The following ABL1 variants were observed in gnomAD, a reference collection of about 807,000 sequenced individuals.
ABL1 encodes the protein ABL proto-oncogene 1, non-receptor tyrosine kinase.
ABL1 carries 11 observed loss-of-function variants against 94.7 expected under a neutral mutation model. That is an observed-to-expected ratio of 0.12 (90% CI 0.07 to 0.19). The LOEUF (loss-of-function observed/expected upper bound fraction) is 0.19. Ranked by LOEUF, ABL1 falls within the 10% of genes least tolerant of loss-of-function variation. ABL1 has a pLI of 1.00. For synonymous variants in ABL1, 656 were observed against 622.4 expected (o/e 1.05, Z -0.80); for missense variants, 1,082 against 1,489.4 (o/e 0.73, Z 4.50).
intron 1 of ABL1, among the ~76,000 whole-genome samples, chr9:130,789,427 A>C (rs927425923): frequency 2.0e-5 from 3 of 152,136 alleles, no homozygotes. Flanking sequence ...CTAGGTTTTT[A>C]CCATCCCTGG....
At chr9:130,809,805 C>A (rs1255130022) in intron 1 of ABL1, among the ~76,000 whole-genome samples, 1 of 152,188 alleles carries the variant, frequency 6.6e-6, no homozygotes, top group Non-Finnish European at 1.5e-5. Flanking sequence ...GACCAAAGAT[C>A]TGAGCACGTA....
At chr9:130,749,248 G>C (rs563345831) in intron 1 of ABL1, among the ~76,000 whole-genome samples, 3 of 152,300 alleles carry the variant, frequency 2.0e-5, no homozygotes, top group African/African-American at 7.2e-5. Context: ...CTGGTGACCA[G>C]TATTTGAGAA....
At position 130,880,581 on chromosome 9, in the gene ABL1, C is replaced by A. The variant is rs752060211; in HGVS notation, c.1595C>A (p.Thr532Lys). Residue 532 changes from threonine to lysine, a missense_variant, in exon 10 of 11, where the codon ACG becomes AAG. Transcript: ENST00000318560. This position sits in a 1 kb window ranked among gnomAD's most constrained non-coding sequence, Gnocchi z 4.4. ...CAGGCCCCAGAGCTGCCCACCAAGA[C>A]GAGGACCTCCAGGAGAGCTGCAGAG... is the stretch of plus-strand genomic sequence containing the variant. Reference protein sequence around the residue: ...LLQAPELPTKTRTSRRAAEHR... With the variant: ...LLQAPELPTKKRTSRRAAEHR... The A allele has an allele frequency of 1.9e-6, 3 of 1,613,930 alleles. No homozygotes were observed. Among genetic ancestry groups the A allele is most frequent in the Non-Finnish European group, 1.7e-6 (2 of 1,179,904 alleles).
intron 3 of ABL1, among the ~76,000 whole-genome samples, chr9:130,858,435 G>A (rs916244072): frequency 1.3e-5 from 2 of 152,064 alleles, no homozygotes; most frequent in Non-Finnish European, 2.9e-5. Flanking sequence ...TTCCCTTGGC[G>A]TCTTGCCTCC....
chr9:130,829,826 T>C (rs1003431710), intron 1 of ABL1, among the ~76,000 whole-genome samples: 1 of 152,230 alleles, frequency 6.6e-6, no homozygotes, highest in Non-Finnish European at 1.5e-5. Context: ...ACTATTGATT[T>C]ATCCCCCAAA....
intron 1 of ABL1, among the ~76,000 whole-genome samples, chr9:130,837,369 G>T (rs917187498): frequency 3.9e-5 from 6 of 152,276 alleles, no homozygotes; most frequent in Non-Finnish European, 8.8e-5. Flanking sequence ...ATGGACTTTT[G>T]TAAGTGCAGA....
At chr9:130,853,884 G>T (rs1425167593) in intron 1 of ABL1, among the ~76,000 whole-genome samples, 180 bp from the exon 2 acceptor site, 1 of 152,180 alleles carries the variant, frequency 6.6e-6, no homozygotes, top group African/African-American at 2.4e-5. Flanking sequence ...ACAAGATTTA[G>T]TAAAGGAAGA....
rs1254406344 is a variant in ABL1 at position 130,877,638 on chromosome 9, CCTT to C, written c.1271-776_1271-774del. 5.5e-5 allele frequency among the ~76,000 whole-genome samples: 8 copies of C among 146,420 alleles called. No homozygotes were observed. In the East Asian group the frequency reaches 1.6e-3, roughly 28 times the overall value. Reference sequence around the variant, plus strand: ...ACTGAGTCTTGTTCTGTCCTGGTCTCCTTTTTTTTTTTTTATTTTTGAGACGGG... The same window carrying C: ...ACTGAGTCTTGTTCTGTCCTGGTCTCTTTTTTTTTTTATTTTTGAGACGGG... On this transcript the variant is annotated intron_variant, in intron 7 of 10. Transcript: ENST00000318560.
chr9:130,736,221 A>G (rs895880716), intron 1 of ABL1, among the ~76,000 whole-genome samples: 1 of 151,730 alleles, frequency 6.6e-6, no homozygotes, highest in South Asian at 2.1e-4. Context: ...GAGTGTTGGG[A>G]TTATAGGCAT....
At chr9:130,722,347 C>T (rs191942415) in intron 1 of ABL1, among the ~76,000 whole-genome samples, 1 of 152,168 alleles carries the variant, frequency 6.6e-6, no homozygotes, top group Admixed American at 6.5e-5. Flanking sequence ...GAGCCAAGAT[C>T]ACACCACTGC....
At position 130,795,025 on chromosome 9, in the gene ABL1, G is replaced by A. The variant is rs181660267; in HGVS notation, c.137-59039G>A. On this transcript the variant is annotated intron_variant, in intron 1 of 10. Coordinates refer to the ABL1 transcript ENST00000372348. The stretch of plus-strand genomic sequence containing the variant: ...TAGATTAATCTCCCTTTTGCTGTCC[G>A]TGAGTCCCTTCCCGTTTCTTCAGCA... 2.1e-3 allele frequency among the ~76,000 whole-genome samples: 324 copies of A among 152,200 alleles called. 2 individuals carry two copies. Among genetic ancestry groups the A allele is most frequent in the African/African-American group, 7.4e-3 (307 of 41,530 alleles).
In ABL1 at chr9:130,854,976, C is replaced by T. The variant is rs199515879; in HGVS notation, c.429C>T (p.Ser143=). ...ATGCCGCTGAGTATCTGCTGAGCAG[C>T]GGGATCAATGGCAGCTTCTTGGTGC... The part of the protein sequence containing the change: ...SRNAAEYLLS[S]GINGSFLVRE... Residue 143 remains serine (S), a synonymous_variant, in exon 3 of 11, where the codon AGC becomes AGT. Transcript: ENST00000318560. The T allele has an allele frequency of 4.9e-5, 79 of 1,614,064 alleles. No homozygotes were observed. Among genetic ancestry groups the T allele is most frequent in the East Asian group, 1.8e-4 (8 of 44,898 alleles).
intron 1 of ABL1, among the ~76,000 whole-genome samples, chr9:130,850,383 G>T (rs529694971): frequency 6.6e-6 from 1 of 152,352 alleles, no homozygotes; most frequent in East Asian, 1.9e-4. Context: ...GGAATGCGTA[G>T]TGAATGGCTC....
intron 1 of ABL1, among the ~76,000 whole-genome samples, chr9:130,718,978 T>C (rs1009924687): frequency 5.3e-5 from 8 of 152,126 alleles, no homozygotes; most frequent in African/African-American, 1.9e-4. Context: ...ATGTCTGTGT[T>C]GTGGTGAGTA....
intron 1 of ABL1, among the ~76,000 whole-genome samples, chr9:130,732,318 G>A (rs949254037): frequency 5.3e-5 from 8 of 152,058 alleles, no homozygotes; most frequent in Middle Eastern, 6.8e-3. Context: ...CATCTGCTTG[G>A]GAGAATGGTT....
chr9:130,714,498 A>T lies in ABL1; in HGVS notation c.136+43A>T, dbSNP rs765468721. ...TTTCTGCTCATGGTTTTCCTCATGCATTCATCTTAGGCCTTCAAGGAACTT... is the reference window on the plus strand; with the variant it reads ...TTTCTGCTCATGGTTTTCCTCATGCTTTCATCTTAGGCCTTCAAGGAACTT... On this transcript the variant is annotated intron_variant, in intron 1 of 10. Coordinates refer to the ABL1 transcript ENST00000372348. 6 of 1,613,708 alleles carry T rather than the reference A, an allele frequency of 3.7e-6. No homozygotes were observed. In the East Asian group the frequency reaches 1.1e-4, roughly 30 times the overall value.
At chr9:130,853,917 G>T in intron 1 of ABL1, 147 bp from the exon 2 acceptor site, 1 of 734,564 alleles carries the variant, frequency 1.4e-6, no homozygotes, top group South Asian at 2.8e-5. Flanking sequence ...CCACCTTAAT[G>T]ATAATAGTAT....
intron 1 of ABL1, among the ~76,000 whole-genome samples, chr9:130,731,281 A>G (rs1831663984): frequency 6.6e-6 from 1 of 152,152 alleles, no homozygotes; most frequent in South Asian, 2.1e-4. Context: ...TGCTGGGGTT[A>G]CAGACGTGAG....
At chr9:130,845,347 CT>C (rs1331369433) in intron 1 of ABL1, among the ~76,000 whole-genome samples, 272 of 143,536 alleles carry the variant, frequency 1.9e-3, no homozygotes, top group Middle Eastern at 3.5e-3. Context: ...CTTAACCTTT[CT>C]TTTTTTTTTT....
Sources: allele counts gnomAD v4.1 joint callset (sites outside exome capture counted in the v4.1 genomes callset), GRCh38; gene constraint gnomAD v4.1.1; non-coding constraint Gnocchi (gnomAD v3.1); transcripts MANE v1.5; gene names NCBI Gene and HGNC (gene_info 2026-07-23, HGNC 2026-07-21).